Variants in HPSE2 observed in about 807,000 individuals in gnomAD.
HPSE2 encodes the protein inactive heparanase-2.
In HPSE2, 38 loss-of-function variants were observed where a neutral mutation model predicts 60.5. The ratio of observed to expected loss-of-function variants is 0.63; its 90% confidence interval spans 0.48 to 0.82. The LOEUF is 0.82. Ranked by LOEUF, HPSE2 falls within the 40% of genes least tolerant of loss-of-function variation. HPSE2 has a pLI of 0.00. For missense variants in HPSE2, 713 were observed against 740.4 expected, an observed-to-expected ratio of 0.96 and a Z score of 0.43; for synonymous variants, 295 against 293.2, an observed-to-expected ratio of 1.01 and a Z score of -0.06.
At chr10:98,464,115 C>CA (rs1940423975) in intron 11 of HPSE2, among the ~76,000 whole-genome samples, 1 of 151,540 alleles carries the variant, frequency 6.6e-6, no homozygotes, top group Non-Finnish European at 1.5e-5. Flanking sequence ...GACTCTGTCT[C>CA]AAAAAAACAC....
intron 3 of HPSE2, among the ~76,000 whole-genome samples, chr10:98,857,331 G>T (rs1297207574): frequency 6.6e-6 from 1 of 152,068 alleles, no homozygotes; most frequent in African/African-American, 2.4e-5. Flanking sequence ...CGTAATAAAA[G>T]AAATAAAACA....
chr10:98,936,945 C>G lies in HPSE2; in HGVS notation c.611-192889G>C, dbSNP rs1383918973. Among the ~76,000 whole-genome samples the G allele has an allele frequency of 2.6e-5, 3 of 114,480 alleles. 1 individual carries two copies. In the East Asian group the frequency reaches 7.3e-4, roughly 28 times the overall value. The allele number at this position is 114,480 out of a possible 152,430, so 75.1% of individuals were successfully genotyped here. A position where few individuals can be genotyped will look rare whatever the true frequency, so the allele number is the denominator to read the frequency against. On this transcript the variant is annotated intron_variant, in intron 3 of 11. Transcript: ENST00000370552. Reference sequence around the variant, plus strand: ...AGTGAGCTGAGACAGCACTACTACACTCCAAACTGGGCGACAGTAGGAGAC... The same window carrying G: ...AGTGAGCTGAGACAGCACTACTACAGTCCAAACTGGGCGACAGTAGGAGAC...
At chr10:98,702,167 T>C (rs1948427776) in intron 5 of HPSE2, among the ~76,000 whole-genome samples, 1 of 152,030 alleles carries the variant, frequency 6.6e-6, no homozygotes, top group Admixed American at 6.6e-5. Flanking sequence ...AATCCTAGTC[T>C]CTAATGAAAC....
At chr10:98,971,597 T>A (rs1955955688) in intron 3 of HPSE2, among the ~76,000 whole-genome samples, 1 of 152,232 alleles carries the variant, frequency 6.6e-6, no homozygotes, top group African/African-American at 2.4e-5. Flanking sequence ...ACAATGTTAT[T>A]CACTCATGTT....
chr10:98,465,353 C>A (rs569901691), intron 11 of HPSE2, among the ~76,000 whole-genome samples: 1 of 152,108 alleles, frequency 6.6e-6, no homozygotes, highest in Non-Finnish European at 1.5e-5. Context: ...TACAGATGAG[C>A]AAATCAAAGT....
At chr10:98,669,001 G>T (rs757909597) in intron 6 of HPSE2, among the ~76,000 whole-genome samples, 1 of 152,082 alleles carries the variant, frequency 6.6e-6, no homozygotes, top group Non-Finnish European at 1.5e-5. Context: ...TTCAATAAAG[G>T]TCTACTATCC....
chr10:98,832,701 T>C (rs1055797290), intron 3 of HPSE2, among the ~76,000 whole-genome samples: 5 of 152,170 alleles, frequency 3.3e-5, no homozygotes, highest in African/African-American at 9.7e-5. Flanking sequence ...CAGATACCAC[T>C]GATCCAGTGC....
At chr10:98,690,311 C>T (rs372775585) in intron 6 of HPSE2, among the ~76,000 whole-genome samples, 65 of 152,224 alleles carry the variant, frequency 4.3e-4, no homozygotes, top group African/African-American at 1.0e-3. Context: ...GAGGCCAAGG[C>T]GGGTGGATCA....
intron 3 of HPSE2, among the ~76,000 whole-genome samples, chr10:98,846,894 A>G (rs908847556): frequency 6.6e-6 from 1 of 152,162 alleles, no homozygotes; most frequent in African/African-American, 2.4e-5. Flanking sequence ...TTCCAATGAC[A>G]GAGTTCACAC....
intron 9 of HPSE2, among the ~76,000 whole-genome samples, chr10:98,592,536 T>C (rs897279384): frequency 2.0e-5 from 3 of 152,220 alleles, no homozygotes; most frequent in African/African-American, 7.2e-5. Context: ...AATTTATCTA[T>C]TGCATTATTA....
At chr10:98,946,149 T>C (rs1439158033) in intron 3 of HPSE2, among the ~76,000 whole-genome samples, 1 of 151,950 alleles carries the variant, frequency 6.6e-6, no homozygotes, top group Non-Finnish European at 1.5e-5. Flanking sequence ...TACACAAATC[T>C]ATTATAGAAG....
chr10:98,655,823 A>G (rs1947046056), intron 6 of HPSE2, among the ~76,000 whole-genome samples: 2 of 152,122 alleles, frequency 1.3e-5, no homozygotes, highest in South Asian at 4.1e-4. Context: ...ATAAAGGCAC[A>G]TGTGATACAC....
At chr10:98,634,166 C>A (rs1453075053) in intron 7 of HPSE2, among the ~76,000 whole-genome samples, 1 of 152,172 alleles carries the variant, frequency 6.6e-6, no homozygotes, top group Non-Finnish European at 1.5e-5. Context: ...GCAAAGACAG[C>A]ACATATAAAT....
intron 3 of HPSE2, among the ~76,000 whole-genome samples, chr10:99,088,122 C>T (rs1017813238): frequency 1.3e-5 from 2 of 151,936 alleles, no homozygotes; most frequent in African/African-American, 4.8e-5. Context: ...GAATACTTTC[C>T]CTATTACCTT....
intron 3 of HPSE2, among the ~76,000 whole-genome samples, chr10:99,121,906 T>C (rs1344708157): frequency 6.6e-6 from 1 of 152,112 alleles, no homozygotes; most frequent in Non-Finnish European, 1.5e-5. Context: ...AATTAAATAA[T>C]TATGATACAT....
intron 3 of HPSE2, chr10:99,048,016 C>T (rs573381501): frequency 8.7e-6 from 6 of 689,990 alleles, no homozygotes; most frequent in Non-Finnish European, 1.3e-5. Flanking sequence ...CGAAGCTCAA[C>T]AAGGCTGCAA....
At chr10:98,816,772 G>A (rs1006367214) in intron 3 of HPSE2, among the ~76,000 whole-genome samples, 1 of 152,104 alleles carries the variant, frequency 6.6e-6, no homozygotes, top group African/African-American at 2.4e-5. Context: ...CTTGCCTTAT[G>A]GGACACTATT....
At chr10:98,584,820 A>G (rs1944895854) in intron 9 of HPSE2, among the ~76,000 whole-genome samples, 1 of 152,158 alleles carries the variant, frequency 6.6e-6, no homozygotes, top group African/African-American at 2.4e-5. Flanking sequence ...GGGAAAGCTA[A>G]GATTTGACAG....
At chr10:98,524,368 C>T (rs577093732) in intron 9 of HPSE2, among the ~76,000 whole-genome samples, 1 of 152,228 alleles carries the variant, frequency 6.6e-6, no homozygotes, top group South Asian at 2.1e-4. Context: ...TGCTCAAGTG[C>T]GTGCAAGATA....
Sources: gnomAD v4.1 joint callset for allele counts (sites outside exome capture counted in the v4.1 genomes callset) on GRCh38, gnomAD v4.1.1 for gene constraint, MANE v1.5 for transcripts, NCBI Gene and HGNC (gene_info 2026-07-23, HGNC 2026-07-21) for gene names.